The following MSTO1 variants were observed in gnomAD, a reference collection of about 807,000 sequenced individuals.
The protein encoded by MSTO1 is protein misato homolog 1.
MSTO1 carries 24 observed loss-of-function variants against 55.7 expected under a neutral mutation model. That is an observed-to-expected ratio of 0.43 (90% CI 0.31 to 0.61). The LOEUF is 0.61. MSTO1 is among the 20% of genes least tolerant of loss of function. The probability of loss-of-function intolerance (pLI) is 0.09; values close to 1 mark genes in which losing one functional copy is unlikely to be tolerated. For synonymous variants in MSTO1, 162 were observed against 252.8 expected, an observed-to-expected ratio of 0.64 and a Z score of 3.41; for missense variants, 363 against 625.7, an observed-to-expected ratio of 0.58 and a Z score of 4.48.
At chr1:155,609,244 T>TATATAGATA (rs1553289697), upstream of MSTO1, among the ~76,000 whole-genome samples, 1 of 15,092 alleles carries the variant, frequency 6.6e-5, no homozygotes. Context: ...TATATATATA[T>TATATAGATA]TTTTTTTTTT....
At chr1:155,581,355 T>C in the MSTO1 span, among the ~76,000 whole-genome samples, 5 of 152,174 alleles carry the variant, frequency 3.3e-5, no homozygotes, top group Non-Finnish European at 2.9e-5. Flanking sequence ...AAGCTCAGAA[T>C]GATGGCAGTT....
At chr1:155,571,819 G>A in the MSTO1 span, among the ~76,000 whole-genome samples, 1 of 152,060 alleles carries the variant, frequency 6.6e-6, no homozygotes. Context: ...AGGCCGAGGA[G>A]GGCAGATCAC....
At chr1:155,568,324 C>G in the MSTO1 span, among the ~76,000 whole-genome samples, 1 of 151,936 alleles carries the variant, frequency 6.6e-6, no homozygotes, top group African/African-American at 2.4e-5. Flanking sequence ...GTGATCCACC[C>G]ACTTCAGCTT....
the MSTO1 span, among the ~76,000 whole-genome samples, chr1:155,601,030 G>C: frequency 6.8e-6 from 1 of 146,400 alleles, no homozygotes; most frequent in East Asian, 2.0e-4. Flanking sequence ...ATGTTGGTCT[G>C]GCTGGTCTCA....
chr1:155,566,646 A>G, the MSTO1 span, among the ~76,000 whole-genome samples: 47,226 of 150,960 alleles, frequency 0.31, 7,840 homozygotes, highest in East Asian at 0.72. Flanking sequence ...ACAGAGTTTC[A>G]CTCTTGTTAC....
chr1:155,597,754 C>T, the MSTO1 span, among the ~76,000 whole-genome samples: 3 of 151,608 alleles, frequency 2.0e-5, no homozygotes, highest in South Asian at 2.1e-4. Context: ...AGGTGATCCA[C>T]CCGCCTTGGT....
the MSTO1 span, among the ~76,000 whole-genome samples, chr1:155,570,254 GAATA>G: frequency 6.6e-6 from 1 of 152,128 alleles, no homozygotes; most frequent in Admixed American, 6.6e-5. Flanking sequence ...AGAGTATCTA[GAATA>G]TCTGCTACCC....
At chr1:155,568,563 T>C in the MSTO1 span, among the ~76,000 whole-genome samples, 1 of 151,868 alleles carries the variant, frequency 6.6e-6, no homozygotes, top group Non-Finnish European at 1.5e-5. Flanking sequence ...TTCAGCCTCC[T>C]GAGTAGCTGG....
chr1:155,573,139 C>T, the MSTO1 span, among the ~76,000 whole-genome samples: 1 of 152,132 alleles, frequency 6.6e-6, no homozygotes, highest in Non-Finnish European at 1.5e-5. Context: ...CATGGACATA[C>T]AGGCAGTGGT....
At chr1:155,565,658 TATA>T in the MSTO1 span, among the ~76,000 whole-genome samples, 1 of 152,166 alleles carries the variant, frequency 6.6e-6, no homozygotes, top group African/African-American at 2.4e-5. Context: ...CACACCAGTG[TATA>T]GGGAGAGTTA....
chr1:155,582,183 G>T, the MSTO1 span, among the ~76,000 whole-genome samples: 2 of 151,886 alleles, frequency 1.3e-5, no homozygotes, highest in African/African-American at 4.8e-5. Context: ...GAGCCACCAC[G>T]CCCGGCCAAC....
Position 155,611,766 on chromosome 1 carries a change from T to G in MSTO1, c.499T>G (p.Phe167Val). ...TEASIRVWSD[F>V]LRVHLHPRSI... Reference sequence around the variant, plus strand: ...GGCCAGCATCAGGGTCTGGTCAGACTTCCTCAGAGTCCATCTCCATCCCCG... The same window carrying G: ...GGCCAGCATCAGGGTCTGGTCAGACGTCCTCAGAGTCCATCTCCATCCCCG... Residue 167 changes from phenylalanine to valine, a missense_variant, in exon 6 of 14, where the codon TTC (phenylalanine) becomes GTC (valine). Phe to Val is a conservative substitution (Grantham distance 50, BLOSUM62 -1). This residue lies in a region of MSTO1 where 94 missense variants were observed against 212.4 expected (regional missense o/e 0.44). Coordinates refer to ENST00000245564, the MANE Select transcript of MSTO1 (RefSeq NM_018116.4). 1 of 690,618 alleles carries G rather than the reference T, an allele frequency of 1.4e-6. No homozygotes were observed. The highest frequency in any genetic ancestry group is 1.8e-5 in the South Asian group (1 of 54,752). 42.8% of individuals were successfully genotyped at this position (690,618 alleles called of 1,614,324 possible). A position where few individuals can be genotyped will look rare whatever the true frequency, so the allele number is the denominator to read the frequency against.
chr1:155,593,158 C>A, the MSTO1 span, among the ~76,000 whole-genome samples: 200 of 152,202 alleles, frequency 1.3e-3, 2 homozygotes, highest in African/African-American at 3.9e-3. Flanking sequence ...AGGTGATCTG[C>A]CCACCTTGGC....
the MSTO1 span, among the ~76,000 whole-genome samples, chr1:155,595,609 T>C: frequency 1.3e-5 from 2 of 151,822 alleles, no homozygotes; most frequent in Non-Finnish European, 2.9e-5. Context: ...TGCTTCAGCC[T>C]CCCAAGTAGC....
chr1:155,612,316 G>A lies in MSTO1; in HGVS notation c.813G>A (p.Gly271=). The change falls in exon 8 of 14, where the codon GGG becomes GGA. Residue 271 remains glycine (G), a splice_region_variant and synonymous_variant. Coordinates refer to ENST00000245564, the MANE Select transcript of MSTO1 (RefSeq NM_018116.4). ...WGLLPGPYHR[G]EAQRNIYRLL... ...TGCTACCTGGTCCCTACCATCGTGGGGTGAGTGGAACTTAGAGAAGTAAAC... is the reference window on the plus strand; with the variant it reads ...TGCTACCTGGTCCCTACCATCGTGGAGTGAGTGGAACTTAGAGAAGTAAAC... 6.3e-7 allele frequency: 1 copy of A among 1,578,136 alleles called. No homozygotes were observed. Among genetic ancestry groups the A allele is most frequent in the East Asian group, 2.2e-5 (1 of 44,576 alleles).
At position 155,612,231 on chromosome 1, in the gene MSTO1, C is replaced by G. The variant is rs201897470; in HGVS notation, c.728C>G (p.Ala243Gly). ...CACGATGGCTTCTCTGGGGTAGGCGCGAAGGCGGCAGAGCTGCTACAAGAT... is the reference window on the plus strand; with the variant it reads ...CACGATGGCTTCTCTGGGGTAGGCGGGAAGGCGGCAGAGCTGCTACAAGAT... ...DLHDGFSGVG[A>G]KAAELLQDEY... Residue 243 changes from alanine to glycine, a missense_variant, in exon 8 of 14, where the codon GCG becomes GGG. This residue lies in a region of MSTO1 where 231 missense variants were observed against 286.9 expected (regional missense o/e 0.81). Coordinates refer to ENST00000245564, the MANE Select transcript of MSTO1 (RefSeq NM_018116.4). The G allele has an allele frequency of 2.5e-6, 4 of 1,606,272 alleles. No homozygotes were observed. In the Admixed American group the frequency reaches 6.8e-5, roughly 27 times the overall value.
At chr1:155,600,202 C>T in the MSTO1 span, among the ~76,000 whole-genome samples, 1 of 152,214 alleles carries the variant, frequency 6.6e-6, no homozygotes, top group African/African-American at 2.4e-5. Context: ...GAGGTCCCTG[C>T]GGGCTTCCGC....
the MSTO1 span, among the ~76,000 whole-genome samples, chr1:155,600,943 TG>T: frequency 1.3e-5 from 2 of 151,314 alleles, no homozygotes; most frequent in African/African-American, 4.9e-5. Context: ...CCCAAAGTGC[TG>T]GGATTACAGG....
chr1:155,613,745 G>T lies in MSTO1; in HGVS notation c.1477G>T (p.Asp493Tyr). Residue 493 changes from aspartate (D) to tyrosine (Y), a missense_variant, in exon 13 of 14, where the codon GAT (aspartate) becomes TAT (tyrosine). By Grantham distance (160) the Asp-to-Tyr change is radical. This residue lies in a region of MSTO1 where 38 missense variants were observed against 126.4 expected (regional missense o/e 0.30). Coordinates refer to ENST00000245564, the MANE Select transcript of MSTO1 (RefSeq NM_018116.4). Reference sequence around the variant, plus strand: ...CTGCAGTCCACCGGGTATGGTTCTGGATGGTTCCCCCAAGGGAGCAGGTAT... The same window carrying T: ...CTGCAGTCCACCGGGTATGGTTCTGTATGGTTCCCCCAAGGGAGCAGGTAT... ...SSCSPPGMVL[D>Y]GSPKGAAVES... 1 of 1,609,938 alleles carries T rather than the reference G, an allele frequency of 6.2e-7. No homozygotes were observed. Among genetic ancestry groups the T allele is most frequent in the East Asian group, 2.2e-5 (1 of 44,870 alleles).
Sources: gnomAD v4.1 joint callset for allele counts (sites outside exome capture counted in the v4.1 genomes callset) on GRCh38, gnomAD v4.1.1 for gene constraint, gnomAD v4.1.1 regional missense constraint, MANE v1.5 for transcripts, NCBI Gene and HGNC (gene_info 2026-07-23, HGNC 2026-07-21) for gene names.